OLFM3: variants seen among roughly 807,000 people sequenced by gnomAD.
OLFM3 encodes noelin-3.
A neutral mutation model predicts 48.6 loss-of-function variants in OLFM3; 20 were observed. That is an observed-to-expected ratio of 0.41 (90% CI 0.29 to 0.60). OLFM3 has a LOEUF of 0.60. Among genes scored for constraint, OLFM3 ranks in the 20% least tolerant of loss-of-function variants. The pLI, the probability that OLFM3 is intolerant of heterozygous loss-of-function variation, is 0.28. For missense variants in OLFM3, 437 were observed against 544.3 expected (o/e 0.80, Z 1.96); for synonymous variants, 222 against 198.1 (o/e 1.12, Z -1.01).
intron 1 of OLFM3, among the ~76,000 whole-genome samples, chr1:101,882,346 A>T (rs1473178657): frequency 6.8e-6 from 1 of 147,742 alleles, no homozygotes; most frequent in African/African-American, 2.5e-5. Flanking sequence ...ATATATATAT[A>T]TATAAAGATT....
intron 3 of OLFM3, among the ~76,000 whole-genome samples, chr1:101,827,151 GC>G (rs562902339): frequency 4.5e-4 from 69 of 152,270 alleles, no homozygotes; most frequent in African/African-American, 1.6e-3. Context: ...CTACTATGCT[GC>G]TTTTACATCC....
chr1:101,967,048 A>T lies in OLFM3; in HGVS notation c.69+29700T>A, dbSNP rs184603910. Among the ~76,000 whole-genome samples, 199 of 152,192 alleles carry T rather than the reference A, an allele frequency of 1.3e-3. 1 individual carries two copies. Among genetic ancestry groups the T allele is most frequent in the Non-Finnish European group, 1.0e-3 (69 of 67,996 alleles). On this transcript the variant is annotated intron_variant, in intron 1 of 5. Coordinates refer to ENST00000370103, the MANE Select transcript of OLFM3 (RefSeq NM_058170.4). ...TTGTCATGTTTGCTCATTAACCTCC[A>T]CCAGTTGCTATTTATATTAAACTTC...
chr1:101,992,754 T>A lies in OLFM3; in HGVS notation c.69+3994A>T, dbSNP rs181031960. Among the ~76,000 whole-genome samples, 6 of 152,236 alleles carry A rather than the reference T, an allele frequency of 3.9e-5. No individual in the cohort carries two copies. In the East Asian group the frequency reaches 1.2e-3, roughly 29 times the overall value. On this transcript the variant is annotated intron_variant, in intron 1 of 5. Coordinates refer to ENST00000370103, the MANE Select transcript of OLFM3 (RefSeq NM_058170.4). The stretch of plus-strand genomic sequence containing the variant: ...TTATTTTCTTTAGCAATATCAAAAT[T>A]GTTATGGTATATTACATTATGAAAC...
At chr1:101,901,020 G>A (rs1321692889) in intron 1 of OLFM3, among the ~76,000 whole-genome samples, 1 of 151,898 alleles carries the variant, frequency 6.6e-6, no homozygotes, top group Non-Finnish European at 1.5e-5. Flanking sequence ...CATATTCCTA[G>A]TAATAAGTCA....
chr1:101,928,322 T>G (rs775313195), intron 1 of OLFM3, among the ~76,000 whole-genome samples: 3 of 152,120 alleles, frequency 2.0e-5, no homozygotes, highest in Non-Finnish European at 4.4e-5. Context: ...GTTCATTATG[T>G]TTGCTAGAAT....
intron 1 of OLFM3, among the ~76,000 whole-genome samples, chr1:101,976,199 T>C (rs1660948510): frequency 6.6e-6 from 1 of 152,140 alleles, no homozygotes; most frequent in Admixed American, 6.5e-5. Context: ...GATTAAATAA[T>C]TTTTTTTGAG....
intron 2 of OLFM3, among the ~76,000 whole-genome samples, chr1:101,833,718 A>G (rs1278040758): frequency 1.3e-5 from 2 of 152,120 alleles, no homozygotes; most frequent in Non-Finnish European, 2.9e-5. Context: ...ACTCTCACTC[A>G]TAATTAGTGA....
chr1:101,883,335 C>A (rs1042046590), intron 1 of OLFM3, among the ~76,000 whole-genome samples: 1 of 150,006 alleles, frequency 6.7e-6, no homozygotes, highest in African/African-American at 2.4e-5. Flanking sequence ...TTTATATACT[C>A]TATATATACA....
chr1:101,828,957 G>T (rs910744431), intron 3 of OLFM3, among the ~76,000 whole-genome samples: 15 of 152,092 alleles, frequency 9.9e-5, no homozygotes, highest in Admixed American at 5.9e-4. Flanking sequence ...ATAGTGGAGG[G>T]GTAGGGTCAC....
chr1:101,888,652 G>A (rs1657867545), intron 1 of OLFM3, among the ~76,000 whole-genome samples: 1 of 152,054 alleles, frequency 6.6e-6, no homozygotes, highest in African/African-American at 2.4e-5. Flanking sequence ...TGACAAACGG[G>A]ATCTAATTAA....
chr1:101,933,617 T>C (rs897607958), intron 1 of OLFM3, among the ~76,000 whole-genome samples: 1 of 152,102 alleles, frequency 6.6e-6, no homozygotes, highest in Non-Finnish European at 1.5e-5. Context: ...CAGAGAACCC[T>C]TGTGAGGTGT....
chr1:101,973,134 G>C (rs143647736), intron 1 of OLFM3, among the ~76,000 whole-genome samples: 54 of 152,322 alleles, frequency 3.5e-4, no homozygotes, highest in South Asian at 2.3e-3. Context: ...AGAAGTGATT[G>C]TTTATGGGAA....
chr1:101,971,114 C>T (rs1416693693), intron 1 of OLFM3, among the ~76,000 whole-genome samples: 1 of 152,150 alleles, frequency 6.6e-6, no homozygotes, highest in Non-Finnish European at 1.5e-5. Context: ...GGAAAGATTA[C>T]GCTCACAGCA....
chr1:101,996,618 A>G, intron 1 of OLFM3, 130 bp downstream of exon 1: 1 of 873,016 alleles, frequency 1.1e-6, no homozygotes, highest in Non-Finnish European at 1.8e-6. Flanking sequence ...CAGTGGGGAT[A>G]CGCCAGACAC....
At chr1:101,809,968 C>T (rs1313696127) in intron 4 of OLFM3, among the ~76,000 whole-genome samples, 1 of 151,938 alleles carries the variant, frequency 6.6e-6, no homozygotes, top group Non-Finnish European at 1.5e-5. Context: ...TCTTACAGAT[C>T]TCATCTGCTC....
intron 1 of OLFM3, among the ~76,000 whole-genome samples, chr1:101,981,540 G>A (rs755062092): frequency 9.2e-5 from 14 of 152,102 alleles, no homozygotes; most frequent in East Asian, 1.9e-4. Flanking sequence ...CTTAAATACC[G>A]TCTGCACACT....
At chr1:101,931,385 G>C (rs1659440918) in intron 1 of OLFM3, among the ~76,000 whole-genome samples, 1 of 152,134 alleles carries the variant, frequency 6.6e-6, no homozygotes, top group Admixed American at 6.5e-5. Flanking sequence ...AATAAATGCT[G>C]GTGACACTTT....
At chr1:101,949,254 G>C (rs1410694164) in intron 1 of OLFM3, among the ~76,000 whole-genome samples, 1 of 152,042 alleles carries the variant, frequency 6.6e-6, no homozygotes, top group Non-Finnish European at 1.5e-5. Context: ...CTTCTTTGCT[G>C]GCTCTTTTTA....
intron 1 of OLFM3, among the ~76,000 whole-genome samples, chr1:101,939,718 C>A (rs1265252148): frequency 6.6e-6 from 1 of 152,138 alleles, no homozygotes; most frequent in African/African-American, 2.4e-5. Context: ...AAAACATGTA[C>A]CAAGTAGACT....
Sources: gnomAD v4.1 joint callset for allele counts (sites outside exome capture counted in the v4.1 genomes callset) on GRCh38, gnomAD v4.1.1 for gene constraint, MANE v1.5 for transcripts, NCBI Gene and HGNC (gene_info 2026-07-23, HGNC 2026-07-21) for gene names.